The following PHF24 variants were observed in gnomAD, a reference collection of about 807,000 sequenced individuals.
PHF24 encodes the protein Galpha inhibitory interacting protein.
Under a neutral mutation model 42.6 loss-of-function variants are expected in PHF24, and 25 were observed. That is an observed-to-expected ratio of 0.59 (90% CI 0.43 to 0.82). The LOEUF is 0.82. Ranked by LOEUF, PHF24 falls within the 40% of genes least tolerant of loss-of-function variation. The pLI is 0.00. For synonymous variants in PHF24, 185 were observed against 204.8 expected, an observed-to-expected ratio of 0.90 and a Z score of 0.83; for missense variants, 470 against 538.1, an observed-to-expected ratio of 0.87 and a Z score of 1.25.
chr9:34,881,760 C>T, the PHF24 span, among the ~76,000 whole-genome samples: 1 of 152,166 alleles, frequency 6.6e-6, no homozygotes, highest in East Asian at 1.9e-4. Context: ...CAGATGGATT[C>T]ACAGCCAAAT....
At chr9:34,872,049 A>C in the PHF24 span, among the ~76,000 whole-genome samples, 1 of 152,144 alleles carries the variant, frequency 6.6e-6, no homozygotes, top group African/African-American at 2.4e-5. Context: ...CTTCCTTGAT[A>C]TCTTTCATCA....
chr9:34,744,244 G>A, the PHF24 span, among the ~76,000 whole-genome samples: 1 of 152,112 alleles, frequency 6.6e-6, no homozygotes, highest in African/African-American at 2.4e-5. Flanking sequence ...TGGTCAGTGG[G>A]GAACAAAGCT....
the PHF24 span, among the ~76,000 whole-genome samples, chr9:34,766,020 A>G: frequency 9.1e-3 from 1,390 of 152,160 alleles, 18 homozygotes; most frequent in African/African-American, 0.032. Context: ...AGAATGTTGA[A>G]TATTGGCCCC....
chr9:34,837,763 G>T, the PHF24 span: 1 of 1,068,080 alleles, frequency 9.4e-7, no homozygotes, highest in South Asian at 1.4e-5. Context: ...TGTCCAAAAT[G>T]AGACTTACAT....
chr9:34,804,309 GTC>G, the PHF24 span, among the ~76,000 whole-genome samples: 1 of 152,060 alleles, frequency 6.6e-6, no homozygotes, highest in African/African-American at 2.4e-5. Context: ...GAATAAAAAA[GTC>G]TGTTTTTCCA....
the PHF24 span, chr9:34,922,072 A>T: frequency 2.0e-4 from 191 of 940,076 alleles, 2 homozygotes; most frequent in Middle Eastern, 5.4e-3. Context: ...ATTCAAATAG[A>T]AGTAACATAA....
At chr9:34,897,219 A>G in the PHF24 span, among the ~76,000 whole-genome samples, 499 of 152,316 alleles carry the variant, frequency 3.3e-3, 3 homozygotes, top group African/African-American at 0.011. Flanking sequence ...TAGTTCCTCC[A>G]CCAGACAGGA....
At chr9:34,680,500 A>G in the PHF24 span, among the ~76,000 whole-genome samples, 5 of 151,560 alleles carry the variant, frequency 3.3e-5, no homozygotes, top group Admixed American at 6.6e-5. Flanking sequence ...CATCCTGGCT[A>G]AAACGGTGAA....
At chr9:34,941,151 T>C in the PHF24 span, among the ~76,000 whole-genome samples, 2 of 152,164 alleles carry the variant, frequency 1.3e-5, no homozygotes, top group Non-Finnish European at 2.9e-5. Context: ...GTATTCTTCC[T>C]CCTGGGGACC....
At chr9:34,789,878 A>G in the PHF24 span, among the ~76,000 whole-genome samples, 3 of 152,212 alleles carry the variant, frequency 2.0e-5, no homozygotes, top group African/African-American at 7.2e-5. Context: ...ACAGGGTCTC[A>G]CTCTACTGCC....
At chr9:34,929,306 G>A in the PHF24 span, among the ~76,000 whole-genome samples, 1 of 152,054 alleles carries the variant, frequency 6.6e-6, no homozygotes, top group African/African-American at 2.4e-5. Flanking sequence ...AATATGATTG[G>A]ATTTTTTAAA....
chr9:34,782,249 A>G, the PHF24 span, among the ~76,000 whole-genome samples: 2 of 152,054 alleles, frequency 1.3e-5, no homozygotes, highest in African/African-American at 4.8e-5. Flanking sequence ...TGAGAGCAAG[A>G]CTCAGTGATT....
At chr9:34,875,944 A>ACTCTCTCTCTCTCTCTCTCT in the PHF24 span, among the ~76,000 whole-genome samples, 4 of 85,586 alleles carry the variant, frequency 4.7e-5, no homozygotes, top group African/African-American at 2.1e-4. Context: ...ACACACACAC[A>ACTCTCTCTCTCTCTCTCTCT]CACACACTCT....
the PHF24 span, among the ~76,000 whole-genome samples, chr9:34,792,165 A>G: frequency 6.3e-3 from 960 of 152,344 alleles, 8 homozygotes; most frequent in Middle Eastern, 0.037. Context: ...CTCAGCAGCA[A>G]GACGAAGTGC....
the PHF24 span, among the ~76,000 whole-genome samples, chr9:34,875,064 T>TTCTA: frequency 1.3e-5 from 2 of 152,196 alleles, no homozygotes; most frequent in African/African-American, 2.4e-5. Flanking sequence ...TATTAATTAA[T>TTCTA]TCTATCTTTT....
the PHF24 span, among the ~76,000 whole-genome samples, chr9:34,677,389 GTTT>G: frequency 0.014 from 1,119 of 79,416 alleles, 4 homozygotes; most frequent in African/African-American, 0.061. Context: ...TTTGTAAACT[GTTT>G]TTTTTTTTTT....
the PHF24 span, among the ~76,000 whole-genome samples, chr9:34,728,861 CA>C: frequency 2.0e-5 from 3 of 152,084 alleles, no homozygotes; most frequent in African/African-American, 7.2e-5. Context: ...GAGGCTTTTC[CA>C]AATTCTATAC....
the PHF24 span, among the ~76,000 whole-genome samples, chr9:34,740,597 C>G: frequency 4.6e-5 from 7 of 152,300 alleles, no homozygotes; most frequent in South Asian, 2.1e-4. Flanking sequence ...CGCGCAGCCC[C>G]GGTTCCCGCT....
the PHF24 span, among the ~76,000 whole-genome samples, chr9:34,682,603 C>G: frequency 1.1e-4 from 16 of 152,138 alleles, no homozygotes; most frequent in African/African-American, 3.9e-4. Flanking sequence ...TCATTGCCCA[C>G]AAAGTTAGCC....
Sources: gnomAD v4.1 joint callset for allele counts (sites outside exome capture counted in the v4.1 genomes callset) on GRCh38, gnomAD v4.1.1 for gene constraint, MANE v1.5 for transcripts, NCBI Gene and HGNC (gene_info 2026-07-23, HGNC 2026-07-21) for gene names.